Variants in CCDC88B observed in about 807,000 individuals in gnomAD.
CCDC88B encodes coiled-coil and HOOK domain protein 88B.
A neutral mutation model predicts 183.7 loss-of-function variants in CCDC88B; 138 were observed. That is an observed-to-expected ratio of 0.75 (90% CI 0.65 to 0.87). The LOEUF (loss-of-function observed/expected upper bound fraction) is 0.87. Among genes scored for constraint, CCDC88B ranks in the 40% least tolerant of loss-of-function variants. The pLI, the probability that CCDC88B is intolerant of heterozygous loss-of-function variation, is 0.00. For missense variants in CCDC88B, 1,822 were observed against 1,965.6 expected, an observed-to-expected ratio of 0.93 and a Z score of 1.38; for synonymous variants, 835 against 867.5, an observed-to-expected ratio of 0.96 and a Z score of 0.66.
In CCDC88B at chr11:64,351,249, G is replaced by A. The variant is rs1263472854; in HGVS notation, c.2952G>A (p.Glu984=). ...ETQNVRLIEV[E]RSNAMLVAEK... ...AGAATGTGCGGCTTATTGAGGTGGA[G>A]CGCAGTGTGAGTGTGGGCCCACAGT... Residue 984 remains glutamate (E), a synonymous_variant, in exon 17 of 27, where the codon GAG becomes GAA. Transcript: ENST00000356786. The A allele has an allele frequency of 1.3e-6, 2 of 1,525,406 alleles. No individual in the cohort carries two copies. Among genetic ancestry groups the A allele is most frequent in the East Asian group, 2.5e-5 (1 of 40,754 alleles). The allele number at this position is 1,525,406 out of a possible 1,614,324, so 94.5% of individuals were successfully genotyped here.
At chr11:64,351,681 T>C (rs2036339418) in intron 18 of CCDC88B, 65 bp downstream of exon 18, 1 of 1,454,326 alleles carries the variant, frequency 6.9e-7, no homozygotes, top group East Asian at 2.5e-5. Context: ...TTTTGGATCA[T>C]CCTGTGGCCT....
At position 64,353,782 on chromosome 11, in the gene CCDC88B, G is replaced by C. The variant is rs1355835795; in HGVS notation, c.3901G>C (p.Val1301Leu). Residue 1301 changes from valine to leucine, a missense_variant, in exon 23 of 27, where the codon GTG (valine) becomes CTG (leucine). Transcript: ENST00000356786. ...LVEKIMDQYRVLEPVPLPRTK... is the reference protein window; with the variant it reads ...LVEKIMDQYRLLEPVPLPRTK... ...GGAGAAGATCATGGACCAATACCGC[G>C]TGCTGGAGCCTGTGCCCCTGCCCCG... is the stretch of plus-strand genomic sequence containing the variant. The C allele has an allele frequency of 2.5e-6, 4 of 1,614,064 alleles. No individual in the cohort carries two copies. The highest frequency in any genetic ancestry group is 2.2e-5 in the East Asian group (1 of 44,882).
rs150653019 is a variant in CCDC88B at position 64,346,732 on chromosome 11, G to A, written c.2616+1575G>A. Among the ~76,000 whole-genome samples, 194 of 146,522 alleles carry A rather than the reference G, an allele frequency of 1.3e-3. 6 individuals are homozygous for A. In the East Asian group the frequency reaches 0.034, roughly 26 times the overall value. ...TGGGATTACAAGCGTGAGCCACCGC[G>A]CCCGGCCAATTTTTGTATTTTTAGT... is the stretch of plus-strand genomic sequence containing the variant. On this transcript the variant is annotated intron_variant, in intron 14 of 26. Coordinates refer to ENST00000356786, the MANE Select transcript of CCDC88B (RefSeq NM_032251.6).
At chr11:64,352,037 G>A in intron 18 of CCDC88B, 93 bp from the exon 19 acceptor site, 1 of 1,480,696 alleles carries the variant, frequency 6.8e-7, no homozygotes, top group Non-Finnish European at 9.1e-7. Context: ...CATTGTCTTG[G>A]GCCCTACCGT....
At chr11:64,341,237 C>T (rs751807015) in intron 4 of CCDC88B, 33 bp from the exon 5 acceptor site, 1 of 1,614,156 alleles carries the variant, frequency 6.2e-7, no homozygotes. Flanking sequence ...CCTTCCCCGC[C>T]CCAGTTAACC....
In CCDC88B at chr11:64,341,335, CG is replaced by C. The variant is rs1418976977; in HGVS notation, c.447+9del. ...GTTGGGAGCGTCAGTACAGGTGAGC[CG>C]GCGGTGGGAAGGAAAGGTTAGGGTC... is the stretch of plus-strand genomic sequence containing the variant. On this transcript the variant is annotated splice_region_variant and intron_variant, in intron 5 of 26. Transcript: ENST00000356786. 1 of 1,614,036 alleles carries C rather than the reference CG, an allele frequency of 6.2e-7. No homozygotes were observed. The highest frequency in any genetic ancestry group is 1.3e-5 in the African/African-American group (1 of 75,010).
intron 23 of CCDC88B, 62 bp downstream of exon 23, chr11:64,353,875 C>T (rs2036439898): frequency 1.9e-6 from 3 of 1,599,372 alleles, no homozygotes; most frequent in East Asian, 2.2e-5. Context: ...CCTGCCCTGG[C>T]CTCTGACCCC....
In CCDC88B at chr11:64,344,726, GC is replaced by G. The variant is rs2036030468; in HGVS notation, c.2188del (p.Leu730SerfsTer8). The G allele has an allele frequency of 6.2e-7, 1 of 1,614,038 alleles. No individual in the cohort carries two copies. The highest frequency in any genetic ancestry group is 8.5e-7 in the Non-Finnish European group (1 of 1,180,028). The stretch of plus-strand genomic sequence containing the variant: ...GGCCAGTGGTGTCGCAGAGCAGGAG[GC>G]CCTCAGGGAGGAGGTGGCACAGTTG... ...SLASGVAEQE[A>X]LREEVAQLRR... On this transcript the variant is annotated frameshift_variant, in exon 14 of 27. Transcript: ENST00000356786. LOFTEE classifies it high-confidence loss of function. The surrounding 1 kb of genome is among the most constrained non-coding windows in gnomAD (Gnocchi z 4.5).
rs1275365002 is a variant in CCDC88B, at chr11:64,353,349, A to G, written c.3688-2A>G. 6.2e-7 allele frequency: 1 copy of G among 1,613,158 alleles called. No homozygotes were observed. Among genetic ancestry groups the G allele is most frequent in the East Asian group, 2.2e-5 (1 of 44,880 alleles). On this transcript the variant is annotated splice_acceptor_variant, in intron 21 of 26. Coordinates refer to ENST00000356786, the MANE Select transcript of CCDC88B (RefSeq NM_032251.6). LOFTEE classifies it high-confidence loss of function. ...CTCCGAGCCATGGTGCCCCCCTGCC[A>G]GCTATTGACACAGCTGCGAAGTGCC...
intron 7 of CCDC88B, 123 bp downstream of exon 7, chr11:64,341,865 C>CCATCTGGTTGTGA: frequency 2.1e-6 from 1 of 481,018 alleles, no homozygotes; most frequent in Non-Finnish European, 3.0e-6. Flanking sequence ...AGGTCTTGGG[C>CCATCTGGTTGTGA]CATCAGTGAT....
chr11:64,357,131 T>G lies in CCDC88B; in HGVS notation c.*37T>G. 1 of 1,612,258 alleles carries G rather than the reference T, an allele frequency of 6.2e-7. No homozygotes were observed. Among genetic ancestry groups the G allele is most frequent in the Non-Finnish European group, 8.5e-7 (1 of 1,178,544 alleles). The stretch of plus-strand genomic sequence containing the variant: ...CAGCAGGCTTGGGAGTGCAGCCTTC[T>G]CGGCACTGGAGTGTCAGCGGAGGCC... On this transcript the variant is annotated 3_prime_UTR_variant, in exon 27 of 27. Transcript: ENST00000356786.
chr11:64,354,149 G>C lies in CCDC88B; in HGVS notation c.4078G>C (p.Gly1360Arg). 1 of 1,369,030 alleles carries C rather than the reference G, an allele frequency of 7.3e-7. No individual in the cohort carries two copies. Among genetic ancestry groups the C allele is most frequent in the African/African-American group, 1.5e-5 (1 of 68,652 alleles). 84.8% of individuals were successfully genotyped at this position (1,369,030 alleles called of 1,614,324 possible). Residue 1360 changes from glycine (G) to arginine (R), a missense_variant, in exon 24 of 27, where the codon GGC (glycine) becomes CGC (arginine). Coordinates refer to ENST00000356786, the MANE Select transcript of CCDC88B (RefSeq NM_032251.6). ...GGPPETELPE[G>R]READGTGSPS... is the part of the protein sequence containing the mutation. ...CCCCCCGGAGACGGAGCTTCCTGAG[G>C]GCAGGGAGGCAGATGGGACAGGTGG...
In CCDC88B at chr11:64,350,768, G is replaced by A. The variant is rs184786338; in HGVS notation, c.2863-392G>A. ...ATCTGTAATCCCAGCTACTCGGGAGGCTAAGGCAGGAGAATTGCTTGAACC... is the reference window on the plus strand; with the variant it reads ...ATCTGTAATCCCAGCTACTCGGGAGACTAAGGCAGGAGAATTGCTTGAACC... On this transcript the variant is annotated intron_variant, in intron 16 of 26. Coordinates refer to ENST00000356786, the MANE Select transcript of CCDC88B (RefSeq NM_032251.6). The A allele has an allele frequency of 2.6e-4, 41 of 160,456 alleles. No homozygotes were observed. The East Asian group carries it at 6.0e-3, about 23-fold the overall frequency. 9.9% of individuals were successfully genotyped at this position (160,456 alleles called of 1,614,324 possible).
chr11:64,344,165 G>A lies in CCDC88B; in HGVS notation c.1624G>A (p.Glu542Lys), dbSNP rs145750009. 3.9e-4 allele frequency: 623 copies of A among 1,613,096 alleles called. 6 individuals are homozygous for A. Among genetic ancestry groups the A allele is most frequent in the African/African-American group, 6.7e-5 (5 of 74,996 alleles). Residue 542 changes from glutamate to lysine, a missense_variant, in exon 14 of 27, where the codon GAG (glutamate) becomes AAG (lysine). Transcript: ENST00000356786. This position sits in a 1 kb window ranked among gnomAD's most constrained non-coding sequence, Gnocchi z 4.5. ...TCCCCCGGCATTAGACTCAGTGCTCGAGGCATCAGCTGAGTGTCCCCAGGC... is the reference window on the plus strand; with the variant it reads ...TCCCCCGGCATTAGACTCAGTGCTCAAGGCATCAGCTGAGTGTCCCCAGGC... ...LAPPALDSVLEASAECPQAPD... is the reference protein window; with the variant it reads ...LAPPALDSVLKASAECPQAPD...
At chr11:64,340,447 T>G (rs1591270281) in intron 1 of CCDC88B, 121 bp downstream of exon 1, 15 of 1,153,090 alleles carry the variant, frequency 1.3e-5, no homozygotes, top group Admixed American at 3.2e-5. Flanking sequence ...TGGGTTCAAA[T>G]GTGGGGGATG....
intron 18 of CCDC88B, 97 bp downstream of exon 18, chr11:64,351,713 C>A (rs2036340413): frequency 2.9e-6 from 4 of 1,380,146 alleles, no homozygotes; most frequent in African/African-American, 2.9e-5. Context: ...AGCTCCCAGC[C>A]AGCTGCCCCA....
Position 64,344,454 on chromosome 11 carries a change from C to T in CCDC88B, c.1913C>T (p.Ala638Val), listed in dbSNP as rs770825285. 4.4e-6 allele frequency: 7 copies of T among 1,593,964 alleles called. No homozygotes were observed. The highest frequency in any genetic ancestry group is 6.0e-6 in the Non-Finnish European group (7 of 1,170,680). Reference sequence around the variant, plus strand: ...CCCCAAGGCGAGTTGGTGCCTGAGGCCTGGGGGTTGAGACAGGAGGGCCCT... The same window carrying T: ...CCCCAAGGCGAGTTGGTGCCTGAGGTCTGGGGGTTGAGACAGGAGGGCCCT... ...EAPQGELVPE[A>V]WGLRQEGPEH... is the part of the protein sequence containing the mutation. Residue 638 changes from alanine (A) to valine (V), a missense_variant, in exon 14 of 27, where the codon GCC (alanine) becomes GTC (valine). Physicochemically the swap from Ala to Val is moderately conservative, Grantham distance 64 (BLOSUM62 0). Transcript: ENST00000356786. The surrounding 1 kb of genome is among the most constrained non-coding windows in gnomAD (Gnocchi z 4.5).
In CCDC88B at chr11:64,340,923, G is replaced by A. The variant is rs775452262; in HGVS notation, c.223G>A (p.Gly75Arg). Residue 75 changes from glycine (G) to arginine (R), a missense_variant, in exon 3 of 27, where the codon GGG (glycine) becomes AGG (arginine). Physicochemically the swap from Gly to Arg is moderately radical, Grantham distance 125. Coordinates refer to ENST00000356786, the MANE Select transcript of CCDC88B (RefSeq NM_032251.6). ...GGCTCATAGTGCCCCCAGCTCCCGA[G>A]GGGGACCTCGGATGCTCAGAGGCCT... ...VLGIIAPSSR[G>R]GPRMLRGLDG... The A allele has an allele frequency of 3.1e-5, 48 of 1,561,778 alleles. No homozygotes were observed. In the East Asian group the frequency reaches 6.8e-4, roughly 22 times the overall value.
intron 19 of CCDC88B, 29 bp from the exon 20 acceptor site, chr11:64,352,715 C>T (rs948175636): frequency 3.1e-6 from 5 of 1,613,020 alleles, no homozygotes; most frequent in Non-Finnish European, 4.2e-6. Context: ...TAGGTTCACA[C>T]AGCCCTCTTA....
Sources: gnomAD v4.1 joint callset for allele counts (sites outside exome capture counted in the v4.1 genomes callset) on GRCh38, gnomAD v4.1.1 for gene constraint, Gnocchi (gnomAD v3.1) non-coding constraint, MANE v1.5 for transcripts, NCBI Gene and HGNC (gene_info 2026-07-23, HGNC 2026-07-21) for gene names.